The following MYOCD variants were observed in gnomAD, a reference collection of about 807,000 sequenced individuals.
The protein encoded by MYOCD is myocardin.
MYOCD carries 32 observed loss-of-function variants against 96.1 expected under a neutral mutation model. That is an observed-to-expected ratio of 0.33 (90% CI 0.25 to 0.45). The LOEUF (loss-of-function observed/expected upper bound fraction) is 0.45. Ranked by LOEUF, MYOCD falls within the 20% of genes least tolerant of loss-of-function variation. The pLI is 1.00. For missense variants in MYOCD, 1,133 were observed against 1,200.6 expected (o/e 0.94, Z 0.83); for synonymous variants, 469 against 469.0 (o/e 1.00, Z 0.00).
chr17:12,753,440 A>G (rs778004973), intron 10 of MYOCD, 94 bp downstream of exon 10: 10 of 1,160,890 alleles, frequency 8.6e-6, no homozygotes, highest in Non-Finnish European at 8.4e-6. Context: ...AGAATTTTCA[A>G]TGGGAAGGGT....
chr17:12,742,347 A>C (rs2032536697), intron 7 of MYOCD, among the ~76,000 whole-genome samples: 1 of 152,106 alleles, frequency 6.6e-6, no homozygotes, highest in Non-Finnish European at 1.5e-5. Flanking sequence ...AGTCCAAGTG[A>C]GTTGTAAGCT....
At chr17:12,737,266 A>T (rs1229037967) in intron 6 of MYOCD, among the ~76,000 whole-genome samples, 1 of 152,198 alleles carries the variant, frequency 6.6e-6, no homozygotes, top group Admixed American at 6.5e-5. Flanking sequence ...AAAGGGGGAA[A>T]AAAAAAGAAT....
chr17:12,713,205 C>A (rs1239789712), intron 2 of MYOCD, among the ~76,000 whole-genome samples: 1 of 152,166 alleles, frequency 6.6e-6, no homozygotes, highest in Non-Finnish European at 1.5e-5. Context: ...TCCAGAAGAC[C>A]TTTGTGCTCC....
At chr17:12,675,337 A>G (rs914364644) in intron 1 of MYOCD, among the ~76,000 whole-genome samples, 10 of 152,316 alleles carry the variant, frequency 6.6e-5, no homozygotes, top group Admixed American at 3.9e-4. Context: ...CACAGTTTAT[A>G]ATGCCTAACC....
At chr17:12,690,631 C>T (rs1405572441) in intron 1 of MYOCD, among the ~76,000 whole-genome samples, 1 of 152,070 alleles carries the variant, frequency 6.6e-6, no homozygotes, top group Non-Finnish European at 1.5e-5. Context: ...TTGCTTATTT[C>T]GATTTCTCAA....
At chr17:12,717,917 TG>T (rs1381483555) in intron 4 of MYOCD, among the ~76,000 whole-genome samples, 1 of 152,194 alleles carries the variant, frequency 6.6e-6, no homozygotes, top group African/African-American at 2.4e-5. Flanking sequence ...ACCTCTGTGC[TG>T]GGGTATGTGA....
chr17:12,750,039 C>T (rs952412330), intron 9 of MYOCD, among the ~76,000 whole-genome samples: 4 of 151,830 alleles, frequency 2.6e-5, no homozygotes, highest in African/African-American at 7.3e-5. Flanking sequence ...TTAGTAGAGA[C>T]GGGGTTTCAC....
At chr17:12,673,966 A>G (rs1247835581) in intron 1 of MYOCD, among the ~76,000 whole-genome samples, 1 of 152,192 alleles carries the variant, frequency 6.6e-6, no homozygotes, top group East Asian at 1.9e-4. Context: ...TGCCTTTGGA[A>G]ACTTCCATGT....
At chr17:12,693,226 G>A (rs541965796) in intron 1 of MYOCD, among the ~76,000 whole-genome samples, 5 of 152,254 alleles carry the variant, frequency 3.3e-5, no homozygotes, top group African/African-American at 1.2e-4. Context: ...GGTAGAACTT[G>A]CTACTTGTTC....
chr17:12,673,306 A>G (rs1370382112), intron 1 of MYOCD, among the ~76,000 whole-genome samples: 1 of 152,182 alleles, frequency 6.6e-6, no homozygotes, highest in African/African-American at 2.4e-5. Flanking sequence ...CAATAGTTCA[A>G]TAGTTCTCCT....
At chr17:12,711,462 A>C (rs755277742) in intron 2 of MYOCD, among the ~76,000 whole-genome samples, 1 of 152,280 alleles carries the variant, frequency 6.6e-6, no homozygotes, top group Non-Finnish European at 1.5e-5. Flanking sequence ...CACCTAAAGA[A>C]TCCTACATGC....
At chr17:12,676,721 T>C (rs1910082576) in intron 1 of MYOCD, among the ~76,000 whole-genome samples, 1 of 152,192 alleles carries the variant, frequency 6.6e-6, no homozygotes, top group Admixed American at 6.5e-5. Flanking sequence ...GCTTCTTAGC[T>C]AAGAGACTGA....
intron 1 of MYOCD, among the ~76,000 whole-genome samples, chr17:12,668,825 C>T (rs1489685299): frequency 1.3e-5 from 2 of 151,794 alleles, no homozygotes; most frequent in Admixed American, 6.6e-5. Context: ...TAGAGAACTT[C>T]GAAAATGCCC....
At chr17:12,732,488 A>G (rs951941118) in intron 5 of MYOCD, among the ~76,000 whole-genome samples, 2 of 152,058 alleles carry the variant, frequency 1.3e-5, no homozygotes, top group African/African-American at 2.4e-5. Flanking sequence ...TGTAACCACC[A>G]CCAGCACTCA....
chr17:12,762,983 C>T (rs999524396), intron 13 of MYOCD, 90 bp from the exon 14 acceptor site: 28 of 1,107,748 alleles, frequency 2.5e-5, no homozygotes, highest in African/African-American at 2.5e-4. Context: ...GAAGCGTGGC[C>T]ATCTTCTGTA....
At chr17:12,686,695 G>T (rs563301878) in intron 1 of MYOCD, among the ~76,000 whole-genome samples, 1 of 152,304 alleles carries the variant, frequency 6.6e-6, no homozygotes, top group East Asian at 1.9e-4. Flanking sequence ...AAGGGCACTG[G>T]TTGCTAGGCA....
intron 1 of MYOCD, among the ~76,000 whole-genome samples, chr17:12,671,665 A>G (rs1301917485): frequency 6.6e-6 from 1 of 152,154 alleles, no homozygotes; most frequent in Non-Finnish European, 1.5e-5. Context: ...TTTGTCTTTT[A>G]TCTGCTACAG....
At chr17:12,714,109 C>T (rs2031562948) in intron 2 of MYOCD, among the ~76,000 whole-genome samples, 1 of 151,926 alleles carries the variant, frequency 6.6e-6, no homozygotes, top group Admixed American at 6.6e-5. Flanking sequence ...CTGCATGTTC[C>T]TTCAGCCAAC....
chr17:12,750,431 G>A (rs1260920433), intron 9 of MYOCD, among the ~76,000 whole-genome samples: 1 of 152,144 alleles, frequency 6.6e-6, no homozygotes, highest in Admixed American at 6.5e-5. Context: ...GCTCACGCCT[G>A]TAATCCCAGC....
Sources: allele counts gnomAD v4.1 joint callset (sites outside exome capture counted in the v4.1 genomes callset), GRCh38; gene constraint gnomAD v4.1.1; transcripts MANE v1.5; gene names NCBI Gene and HGNC (gene_info 2026-07-23, HGNC 2026-07-21).